The following ANKS6 variants were observed in gnomAD, a reference collection of about 807,000 sequenced individuals.
ANKS6 encodes the protein ankyrin repeat and sterile alpha motif domain containing 6.
In ANKS6, 47 loss-of-function variants were observed where a neutral mutation model predicts 77.9. That is an observed-to-expected ratio of 0.60 (90% CI 0.48 to 0.77). ANKS6 has a LOEUF of 0.77. ANKS6 is among the 30% of genes least tolerant of loss of function. The pLI, the probability that ANKS6 is intolerant of heterozygous loss-of-function variation, is 0.00. For missense variants in ANKS6, 1,150 were observed against 1,159.1 expected (o/e 0.99, Z 0.11); for synonymous variants, 488 against 501.7 (o/e 0.97, Z 0.37).
chr9:98,745,626 A>G lies in ANKS6; in HGVS notation c.2444T>C (p.Leu815Pro). The part of the protein sequence containing the change: ...LTLTDGDLKE[L>P]GIKTDGSRQQ... ...CCTGGACCCATCTGTCTTAATTCCC[A>G]GCTCCTTCAAGTCACCGTCAGTCAG... Residue 815 changes from leucine (L) to proline (P), a missense_variant, in exon 14 of 15, where the codon CTG becomes CCG. Transcript: ENST00000353234. 6.2e-7 allele frequency: 1 copy of G among 1,614,178 alleles called. No homozygotes were observed. The highest frequency in any genetic ancestry group is 2.2e-5 in the East Asian group (1 of 44,886).
rs1376437134 is a variant in ANKS6, at chr9:98,791,378, A to G, written c.360-772T>C. On this transcript the variant is annotated intron_variant, in intron 1 of 14. Coordinates refer to ENST00000353234, the MANE Select transcript of ANKS6 (RefSeq NM_173551.5). This position sits in a 1 kb window ranked among gnomAD's most constrained non-coding sequence, Gnocchi z 4.3. ...GAATGTTTGTTGCAGGCGGCTGAGGACCCAGCCTAGGCCAGATCTTCCTCA... is the reference window on the plus strand; with the variant it reads ...GAATGTTTGTTGCAGGCGGCTGAGGGCCCAGCCTAGGCCAGATCTTCCTCA... Among the ~76,000 whole-genome samples the G allele has an allele frequency of 6.6e-6, 1 of 152,184 alleles. No homozygotes were observed. The highest frequency in any genetic ancestry group is 1.5e-5 in the Non-Finnish European group (1 of 68,038).
intron 2 of ANKS6, among the ~76,000 whole-genome samples, chr9:98,788,384 C>T (rs1317062152): frequency 6.6e-6 from 1 of 152,126 alleles, no homozygotes; most frequent in African/African-American, 2.4e-5. Context: ...CTCAGAGGGT[C>T]CCTGCGAGGG....
chr9:98,735,660 A>C lies in ANKS6; in HGVS notation c.*859T>G. Reference sequence around the variant, plus strand: ...GTGATACAGGTGAGCACTGTGGAGTACCAGAGCATCATCTGGTCTGACCTT... The same window carrying C: ...GTGATACAGGTGAGCACTGTGGAGTCCCAGAGCATCATCTGGTCTGACCTT... On this transcript the variant is annotated 3_prime_UTR_variant, in exon 15 of 15. Transcript: ENST00000353234. The C allele has an allele frequency of 8.1e-7, 1 of 1,231,790 alleles. No individual in the cohort carries two copies. The highest frequency in any genetic ancestry group is 1.0e-6 in the Non-Finnish European group (1 of 987,988). 76.3% of individuals were successfully genotyped at this position (1,231,790 alleles called of 1,614,324 possible).
chr9:98,768,378 G>C (rs1303303421), intron 10 of ANKS6, 128 bp from the exon 11 acceptor site: 6 of 1,130,182 alleles, frequency 5.3e-6, no homozygotes, highest in African/African-American at 4.6e-5. Flanking sequence ...TGTGGCTCCA[G>C]GACAGGACTG....
At chr9:98,769,128 A>G (rs1430526372) in intron 10 of ANKS6, among the ~76,000 whole-genome samples, 2 of 83,770 alleles carry the variant, frequency 2.4e-5, no homozygotes, top group Admixed American at 2.4e-4. Context: ...TGTCTCAAAG[A>G]AAAAAAAAAA....
rs752850711 is a variant in ANKS6, at chr9:98,768,233, C to T, written c.1990G>A (p.Val664Ile). ...CTCTGGGCAGCGATTTGGGACAAGA[C>T]ATTGTCTATGCTGCCACCTGAGGAA... ...LNRSGGSIDNVLSQIAAQRKK... is the reference protein window; with the variant it reads ...LNRSGGSIDNILSQIAAQRKK... Residue 664 changes from valine to isoleucine, a missense_variant, in exon 11 of 15, where the codon GTC becomes ATC. Physicochemically the swap from Val to Ile is conservative, Grantham distance 29. Transcript: ENST00000353234. 9 of 1,614,124 alleles carry T rather than the reference C, an allele frequency of 5.6e-6. No individual in the cohort carries two copies. Among genetic ancestry groups the T allele is most frequent in the Non-Finnish European group, 7.6e-6 (9 of 1,180,040 alleles).
At chr9:98,787,189 T>G (rs1834619950) in intron 2 of ANKS6, among the ~76,000 whole-genome samples, 1 of 152,098 alleles carries the variant, frequency 6.6e-6, no homozygotes, top group Non-Finnish European at 1.5e-5. Flanking sequence ...TAATCTGTCA[T>G]TATCAATAGC....
intron 9 of ANKS6, among the ~76,000 whole-genome samples, chr9:98,772,505 G>C (rs1369469503): frequency 6.6e-6 from 1 of 152,168 alleles, no homozygotes; most frequent in East Asian, 1.9e-4. Flanking sequence ...TGTTACAGCA[G>C]CCATAGGACA....
intron 14 of ANKS6, among the ~76,000 whole-genome samples, chr9:98,744,569 TA>T (rs1452349611): frequency 3.2e-4 from 48 of 152,198 alleles, no homozygotes; most frequent in Admixed American, 1.6e-3. Context: ...ACTACATAAA[TA>T]TTTATTTGCT....
chr9:98,753,746 C>T (rs1296172277), intron 12 of ANKS6, among the ~76,000 whole-genome samples: 1 of 152,076 alleles, frequency 6.6e-6, no homozygotes, highest in Admixed American at 6.5e-5. Flanking sequence ...CAGAGATGCG[C>T]AGTAGGAACA....
chr9:98,761,274 C>T (rs895668918), intron 11 of ANKS6, among the ~76,000 whole-genome samples: 1 of 152,008 alleles, frequency 6.6e-6, no homozygotes, highest in African/African-American at 2.4e-5. Context: ...GAAAAAAAGA[C>T]TTGATTCTTT....
At chr9:98,772,876 C>T in intron 9 of ANKS6, among the ~76,000 whole-genome samples, 1 of 152,214 alleles carries the variant, frequency 6.6e-6, no homozygotes, top group East Asian at 1.9e-4. Flanking sequence ...TAACACTGCT[C>T]CCTGCCTCAT....
chr9:98,765,441 G>C (rs569903723), intron 11 of ANKS6, among the ~76,000 whole-genome samples: 1 of 152,256 alleles, frequency 6.6e-6, no homozygotes, highest in Admixed American at 6.5e-5. Flanking sequence ...CAACCTGATT[G>C]GCTTTCAACC....
In ANKS6 at chr9:98,791,998, C is replaced by G. The variant is rs904683135; in HGVS notation, c.360-1392G>C. ...AGAAAGCTGCACCCCAATGTCTCCCCGCCTCCAGTCTCGTTCCCTCCTGCC... is the reference window on the plus strand; with the variant it reads ...AGAAAGCTGCACCCCAATGTCTCCCGGCCTCCAGTCTCGTTCCCTCCTGCC... On this transcript the variant is annotated intron_variant, in intron 1 of 14. Transcript: ENST00000353234. This position sits in a 1 kb window ranked among gnomAD's most constrained non-coding sequence, Gnocchi z 4.3. Among the ~76,000 whole-genome samples the G allele has an allele frequency of 1.3e-5, 2 of 152,120 alleles. No individual in the cohort carries two copies. The highest frequency in any genetic ancestry group is 4.8e-5 in the African/African-American group (2 of 41,434).
intron 2 of ANKS6, 131 bp from the exon 3 acceptor site, chr9:98,785,007 C>T (rs151269587): frequency 1.7e-4 from 123 of 739,890 alleles, no homozygotes; most frequent in African/African-American, 1.5e-3. Context: ...TGGAGACCTA[C>T]GTAATGGACA....
chr9:98,779,962 G>A (rs369100799), intron 6 of ANKS6, among the ~76,000 whole-genome samples: 109 of 152,032 alleles, frequency 7.2e-4, no homozygotes, highest in Non-Finnish European at 1.1e-3. Context: ...GTGCCCGGCC[G>A]CGTGGACCCA....
intron 14 of ANKS6, among the ~76,000 whole-genome samples, chr9:98,740,448 G>A (rs542537196): frequency 5.3e-4 from 81 of 152,272 alleles, no homozygotes; most frequent in Non-Finnish European, 8.2e-4. Flanking sequence ...CCCCTTTTCC[G>A]CTAAGTATCT....
chr9:98,775,409 A>G (rs1173597940), intron 8 of ANKS6, among the ~76,000 whole-genome samples: 1 of 152,254 alleles, frequency 6.6e-6, no homozygotes, highest in African/African-American at 2.4e-5. Flanking sequence ...ACGTTCCTAC[A>G]CTAGAATGTT....
intron 12 of ANKS6, among the ~76,000 whole-genome samples, chr9:98,752,518 T>TCATGACAGGG (rs951831389): frequency 6.6e-6 from 1 of 152,188 alleles, no homozygotes; most frequent in African/African-American, 2.4e-5. Context: ...GAGAGGTCCC[T>TCATGACAGGG]GTCATGAAGC....
Sources: gnomAD v4.1 joint callset for allele counts (sites outside exome capture counted in the v4.1 genomes callset) on GRCh38, gnomAD v4.1.1 for gene constraint, Gnocchi (gnomAD v3.1) non-coding constraint, MANE v1.5 for transcripts, NCBI Gene and HGNC (gene_info 2026-07-23, HGNC 2026-07-21) for gene names.